The following PGPEP1L variants were observed in gnomAD, a reference collection of about 807,000 sequenced individuals.
The protein encoded by PGPEP1L is pyroglutamyl-peptidase I like.
Under a neutral mutation model 6.0 loss-of-function variants are expected in PGPEP1L, and 7 were observed. The observed-to-expected ratio is 1.17, with a 90% confidence interval of 0.66 to 2.19. The LOEUF (loss-of-function observed/expected upper bound fraction) is 2.19, where lower values mean the gene tolerates loss of function less well. Among genes scored for constraint, PGPEP1L ranks in the 30% most tolerant of loss-of-function variants. The probability of loss-of-function intolerance (pLI) is 0.00; values close to 1 mark genes in which losing one functional copy is unlikely to be tolerated. For missense variants in PGPEP1L, 209 were observed against 192.5 expected (o/e 1.09, Z -0.51); for synonymous variants, 103 against 83.9 (o/e 1.23, Z -1.24).
At chr15:98,980,939 G>GAA (rs34836014) in intron 2 of PGPEP1L, among the ~76,000 whole-genome samples, 7,293 of 145,776 alleles carry the variant, frequency 0.05, 206 homozygotes, top group African/African-American at 0.082. Flanking sequence ...TCTGGAAAAG[G>GAA]AAAAAAAAAA....
intron 2 of PGPEP1L, among the ~76,000 whole-genome samples, chr15:99,002,707 G>GAT (rs1396276258): frequency 2.0e-5 from 3 of 152,214 alleles, no homozygotes; most frequent in African/African-American, 7.2e-5. Context: ...GCCAGTGCCA[G>GAT]ATATGCCTGT....
intron 2 of PGPEP1L, among the ~76,000 whole-genome samples, chr15:99,004,737 A>G (rs1376333831): frequency 2.0e-5 from 3 of 152,130 alleles, no homozygotes; most frequent in Non-Finnish European, 2.9e-5. Context: ...TAATAAAAAT[A>G]AAGACCTTTG....
intron 2 of PGPEP1L, among the ~76,000 whole-genome samples, chr15:99,000,312 C>A (rs1430950524): frequency 2.6e-5 from 4 of 152,208 alleles, no homozygotes; most frequent in African/African-American, 9.6e-5. Flanking sequence ...CCTGTGCCAA[C>A]GAGCCTCCCA....
At chr15:99,006,218 C>T (rs2018058151) in intron 1 of PGPEP1L, among the ~76,000 whole-genome samples, 1 of 152,154 alleles carries the variant, frequency 6.6e-6, no homozygotes, top group Non-Finnish European at 1.5e-5. Flanking sequence ...CTTTCTGTGC[C>T]CCAGGCACTG....
chr15:98,969,353 G>T, intron 4 of PGPEP1L, 72 bp downstream of exon 4: 1 of 1,582,294 alleles, frequency 6.3e-7, no homozygotes, highest in Non-Finnish European at 8.7e-7. Context: ...TGGCTTCTTG[G>T]AGGTCGGGGG....
chr15:98,991,224 A>G (rs2017815609), intron 2 of PGPEP1L, among the ~76,000 whole-genome samples: 1 of 151,944 alleles, frequency 6.6e-6, no homozygotes, highest in Non-Finnish European at 1.5e-5. Context: ...CCAGACTAAT[A>G]AAGAAAAGAG....
intron 2 of PGPEP1L, among the ~76,000 whole-genome samples, chr15:98,978,231 G>A (rs1199209628): frequency 2.0e-5 from 3 of 152,216 alleles, no homozygotes; most frequent in Admixed American, 6.5e-5. Flanking sequence ...TGAAAGAGAA[G>A]GCGCTGTGTG....
intron 2 of PGPEP1L, among the ~76,000 whole-genome samples, chr15:98,999,775 C>G (rs1340492688): frequency 6.6e-6 from 1 of 152,240 alleles, no homozygotes; most frequent in African/African-American, 2.4e-5. Flanking sequence ...AAATGTCCAT[C>G]AACTGATGAA....
intron 2 of PGPEP1L, among the ~76,000 whole-genome samples, chr15:98,983,619 A>G (rs1206271882): frequency 6.6e-6 from 1 of 152,194 alleles, no homozygotes; most frequent in African/African-American, 2.4e-5. Flanking sequence ...GTATCCAGAA[A>G]CCAGGGAATA....
rs573361619 is a variant in PGPEP1L at position 98,988,313 on chromosome 15, G to A, written c.-142+17116C>T. Among the ~76,000 whole-genome samples, 6 of 152,174 alleles carry A rather than the reference G, an allele frequency of 3.9e-5. No homozygotes were observed. In the East Asian group the frequency reaches 5.8e-4, roughly 15 times the overall value. On this transcript the variant is annotated intron_variant, in intron 2 of 4. Coordinates refer to ENST00000535714, the MANE Select transcript of PGPEP1L (RefSeq NM_001167902.2). ...CTTGAGCTTGGTGGGGGGGAGGGGCGTCCACCATTGCTGAGGCCTAAGTAG... is the reference window on the plus strand; with the variant it reads ...CTTGAGCTTGGTGGGGGGGAGGGGCATCCACCATTGCTGAGGCCTAAGTAG...
At chr15:98,971,772 GTTAAGTGAATCATGTACGTC>G (rs1260280933) in intron 2 of PGPEP1L, among the ~76,000 whole-genome samples, 1 of 152,208 alleles carries the variant, frequency 6.6e-6, no homozygotes, top group Non-Finnish European at 1.5e-5. Flanking sequence ...TGGTAATGGT[GTTAAGTGAATCATGTACGTC>G]TTAAGTGTGA....
intron 2 of PGPEP1L, among the ~76,000 whole-genome samples, chr15:99,001,909 G>A (rs150251949): frequency 0.011 from 1,712 of 152,196 alleles, 38 homozygotes; most frequent in African/African-American, 0.04. Flanking sequence ...GTAGAGATGG[G>A]GTTTCACTAT....
intron 2 of PGPEP1L, among the ~76,000 whole-genome samples, chr15:98,991,514 A>C (rs2017819631): frequency 6.6e-6 from 1 of 152,224 alleles, no homozygotes; most frequent in Non-Finnish European, 1.5e-5. Flanking sequence ...TTCATGGCCG[A>C]ATTCTACTAG....
intron 2 of PGPEP1L, among the ~76,000 whole-genome samples, chr15:98,987,410 G>A (rs1011508255): frequency 6.6e-6 from 1 of 151,890 alleles, no homozygotes; most frequent in African/African-American, 2.4e-5. Context: ...ATTCCATCAG[G>A]AGCAAATGTT....
intron 2 of PGPEP1L, among the ~76,000 whole-genome samples, chr15:99,005,028 G>A (rs1198328315): frequency 1.3e-5 from 2 of 152,004 alleles, no homozygotes; most frequent in African/African-American, 2.4e-5. Context: ...TGTGGTTTCT[G>A]GGCGTATAGA....
chr15:98,998,070 TG>T (rs2017912354), intron 2 of PGPEP1L: 1 of 152,612 alleles, frequency 6.6e-6, no homozygotes. Context: ...AGAAACTCAT[TG>T]GGCGCTGAGC....
At chr15:98,999,594 A>G (rs2017932297) in intron 2 of PGPEP1L, among the ~76,000 whole-genome samples, 1 of 152,322 alleles carries the variant, frequency 6.6e-6, no homozygotes, top group African/African-American at 2.4e-5. Context: ...AGAAATGAAA[A>G]CTTATTTTCA....
Position 98,968,286 on chromosome 15 carries a change from G to A in PGPEP1L, c.*192C>T. ...CATAACTGAAGCTAGTTCATCCCCTGTGAAATGTCCACCTTTCAGAGTGTT... is the reference window on the plus strand; with the variant it reads ...CATAACTGAAGCTAGTTCATCCCCTATGAAATGTCCACCTTTCAGAGTGTT... On this transcript the variant is annotated 3_prime_UTR_variant, in exon 5 of 5. Coordinates refer to ENST00000535714, the MANE Select transcript of PGPEP1L (RefSeq NM_001167902.2). The A allele has an allele frequency of 1.6e-6, 1 of 612,396 alleles. No homozygotes were observed. The highest frequency in any genetic ancestry group is 2.9e-6 in the Non-Finnish European group (1 of 348,880). The allele number at this position is 612,396 out of a possible 1,614,324, so 37.9% of individuals were successfully genotyped here.
intron 2 of PGPEP1L, chr15:99,001,285 T>C (rs1043164768): frequency 4.0e-6 from 1 of 252,934 alleles, no homozygotes; most frequent in East Asian, 1.5e-4. Flanking sequence ...ACATGCTAAA[T>C]GAAAGAAGCC....
Sources: allele counts gnomAD v4.1 joint callset (sites outside exome capture counted in the v4.1 genomes callset), GRCh38; gene constraint gnomAD v4.1.1; transcripts MANE v1.5; gene names NCBI Gene and HGNC (gene_info 2026-07-23, HGNC 2026-07-21).